IGF2BP3: variants seen among roughly 807,000 people sequenced by gnomAD.
The protein encoded by IGF2BP3 is insulin like growth factor 2 mRNA binding protein 3, also known as insulin-like growth factor 2 mRNA-binding protein 3.
Under a neutral mutation model 73.8 loss-of-function variants are expected in IGF2BP3, and 9 were observed. The observed-to-expected ratio is 0.12, with a 90% confidence interval of 0.07 to 0.21. The LOEUF (loss-of-function observed/expected upper bound fraction) is 0.21, where lower values mean the gene tolerates loss of function less well. IGF2BP3 is among the 10% of genes least tolerant of loss of function. IGF2BP3 has a pLI of 1.00. For missense variants in IGF2BP3, 542 were observed against 714.0 expected (o/e 0.76, Z 2.75); for synonymous variants, 258 against 256.7 (o/e 1.01, Z -0.05).
chr7:23,431,220 C>A (rs74381469), intron 2 of IGF2BP3: 1 of 152,120 alleles, frequency 6.6e-6, no homozygotes, highest in African/African-American at 2.4e-5. Context: ...TTTCTTCTAG[C>A]TTTTGTGTTT....
At chr7:23,372,379 A>T (rs1407337968) in intron 3 of IGF2BP3, among the ~76,000 whole-genome samples, 1 of 151,978 alleles carries the variant, frequency 6.6e-6, no homozygotes, top group Non-Finnish European at 1.5e-5. Flanking sequence ...GGCTTACGTG[A>T]ATAAGTTCTT....
intron 3 of IGF2BP3, chr7:23,414,910 CCA>C (rs1231679328): frequency 5.7e-6 from 1 of 174,956 alleles, no homozygotes; most frequent in Non-Finnish European, 1.2e-5. Flanking sequence ...GTCGGCATCA[CCA>C]CATCTGCAAG....
chr7:23,346,293 G>A, intron 7 of IGF2BP3: 1 of 432,150 alleles, frequency 2.3e-6, no homozygotes, highest in South Asian at 3.1e-5. Context: ...ATTCACTTCA[G>A]GAAATATCTT....
intron 2 of IGF2BP3, among the ~76,000 whole-genome samples, chr7:23,445,798 C>T (rs147402201): frequency 3.9e-5 from 6 of 152,208 alleles, no homozygotes. Context: ...ACACAACATA[C>T]AATAGTTATG....
chr7:23,406,080 A>G (rs543498924), intron 3 of IGF2BP3, among the ~76,000 whole-genome samples: 6 of 152,172 alleles, frequency 3.9e-5, no homozygotes, highest in African/African-American at 1.2e-4. Flanking sequence ...AAAAAAAAAA[A>G]AAGAAAGAAA....
At chr7:23,313,404 T>G in intron 13 of IGF2BP3, 118 bp downstream of exon 13, 1 of 1,139,792 alleles carries the variant, frequency 8.8e-7, no homozygotes, top group Non-Finnish European at 1.2e-6. Context: ...TCTCCAAACC[T>G]TGGTCAAGAT....
chr7:23,436,048 G>GC (rs1787802680), intron 2 of IGF2BP3, among the ~76,000 whole-genome samples: 1 of 152,220 alleles, frequency 6.6e-6, no homozygotes. Context: ...TGAGCCACAT[G>GC]CCCGGCCAAC....
chr7:23,412,446 T>A (rs1469933593), intron 3 of IGF2BP3, among the ~76,000 whole-genome samples: 1 of 152,210 alleles, frequency 6.6e-6, no homozygotes, highest in Admixed American at 6.5e-5. Context: ...GACTGTGATT[T>A]TTAAGTATGT....
At chr7:23,424,298 G>A (rs578100153) in intron 2 of IGF2BP3, among the ~76,000 whole-genome samples, 1 of 151,656 alleles carries the variant, frequency 6.6e-6, no homozygotes, top group Non-Finnish European at 1.5e-5. Context: ...AGGAGTTCAA[G>A]ACCAGCTTGG....
chr7:23,444,074 A>C (rs1409801082), intron 2 of IGF2BP3, among the ~76,000 whole-genome samples: 1 of 152,198 alleles, frequency 6.6e-6, no homozygotes, highest in Non-Finnish European at 1.5e-5. Flanking sequence ...AACAAGTTCC[A>C]GTTAATACAA....
intron 2 of IGF2BP3, among the ~76,000 whole-genome samples, chr7:23,453,308 A>T (rs983790495): frequency 5.3e-5 from 8 of 152,250 alleles, no homozygotes; most frequent in African/African-American, 1.9e-4. Flanking sequence ...TTCCCCTTCT[A>T]CAACTCAAAG....
chr7:23,366,947 A>C (rs1055018932), intron 3 of IGF2BP3, among the ~76,000 whole-genome samples: 2 of 151,956 alleles, frequency 1.3e-5, no homozygotes, highest in African/African-American at 2.4e-5. Context: ...GAACTCTCAA[A>C]GAATAAATAC....
chr7:23,324,260 A>G (rs1485055570), intron 10 of IGF2BP3, among the ~76,000 whole-genome samples: 221 of 151,170 alleles, frequency 1.5e-3, no homozygotes, highest in African/African-American at 5.2e-3. Flanking sequence ...TCCCACAGAA[A>G]TACAAACTAC....
At chr7:23,329,010 C>A (rs1052769762) in intron 10 of IGF2BP3, among the ~76,000 whole-genome samples, 18 of 151,972 alleles carry the variant, frequency 1.2e-4, no homozygotes, top group Non-Finnish European at 2.9e-5. Flanking sequence ...GAGATCGAGA[C>A]CATCCTGGCT....
chr7:23,382,908 A>T (rs2128517799), intron 3 of IGF2BP3, among the ~76,000 whole-genome samples: 1 of 150,820 alleles, frequency 6.6e-6, no homozygotes, highest in South Asian at 2.1e-4. Context: ...AAAAAAAAAA[A>T]AAAAAAAAAA....
chr7:23,342,101 G>A lies in IGF2BP3; in HGVS notation c.1166C>T (p.Pro389Leu), dbSNP rs1583909420. Reference sequence around the variant, plus strand: ...GTAGGGAGGAGTCATGGCTGAAGGGGGCCCTGAGGTGGGAGGTGGCATCCC... The same window carrying A: ...GTAGGGAGGAGTCATGGCTGAAGGGAGCCCTGAGGTGGGAGGTGGCATCCC... ...TSGMPPPTSG[P>L]PSAMTPPYPQ... Residue 389 changes from proline to leucine, a missense_variant, in exon 10 of 15, where the codon CCC becomes CTC. Pro to Leu is a moderately conservative substitution (Grantham distance 98, BLOSUM62 -3). Coordinates refer to ENST00000258729, the MANE Select transcript of IGF2BP3 (RefSeq NM_006547.3). 2 of 1,603,920 alleles carry A rather than the reference G, an allele frequency of 1.2e-6. No individual in the cohort carries two copies. Among genetic ancestry groups the A allele is most frequent in the East Asian group, 4.5e-5 (2 of 44,666 alleles).
chr7:23,346,221 C>T, intron 7 of IGF2BP3, 159 bp from the exon 8 acceptor site: 1 of 651,790 alleles, frequency 1.5e-6, no homozygotes, highest in Non-Finnish European at 2.5e-6. Flanking sequence ...AGCATTCTAG[C>T]AATGCATGAA....
intron 2 of IGF2BP3, among the ~76,000 whole-genome samples, chr7:23,466,087 T>A (rs1788561232): frequency 6.6e-6 from 1 of 151,636 alleles, no homozygotes; most frequent in African/African-American, 2.4e-5. Flanking sequence ...AGTGGCACGA[T>A]GGCTCACTGC....
intron 8 of IGF2BP3, 119 bp downstream of exon 8, chr7:23,345,821 G>GT: frequency 8.6e-7 from 1 of 1,165,060 alleles, no homozygotes; most frequent in Non-Finnish European, 1.2e-6. Flanking sequence ...GAAACCATGT[G>GT]TAAGTACGGC....
Sources: gnomAD v4.1 joint callset for allele counts (sites outside exome capture counted in the v4.1 genomes callset) on GRCh38, gnomAD v4.1.1 for gene constraint, MANE v1.5 for transcripts, NCBI Gene and HGNC (gene_info 2026-07-23, HGNC 2026-07-21) for gene names.